The following SUCLA2 variants were observed in gnomAD, a reference collection of about 807,000 sequenced individuals.
The protein encoded by SUCLA2 is succinate-CoA ligase ADP-forming subunit beta.
In SUCLA2, 30 loss-of-function variants were observed where a neutral mutation model predicts 54.8. The observed-to-expected ratio is 0.55, with a 90% CI of 0.41 to 0.74. SUCLA2 has a LOEUF of 0.74. SUCLA2 is among the 30% of genes least tolerant of loss of function. The pLI is 0.00. For synonymous variants in SUCLA2, 172 were observed against 188.9 expected (o/e 0.91, Z 0.74); for missense variants, 476 against 562.9 (o/e 0.85, Z 1.56).
chr13:47,984,264 G>A (rs1950081923), intron 4 of SUCLA2, among the ~76,000 whole-genome samples: 1 of 151,384 alleles, frequency 6.6e-6, no homozygotes, highest in Non-Finnish European at 1.5e-5. Flanking sequence ...TGCAATCTCG[G>A]CTCACTGCAA....
chr13:47,946,458 G>T (rs1470148039), intron 10 of SUCLA2, among the ~76,000 whole-genome samples: 1 of 151,846 alleles, frequency 6.6e-6, no homozygotes, highest in Non-Finnish European at 1.5e-5. Context: ...AAGGTAAAAA[G>T]GTTGCCTGTT....
In SUCLA2 at chr13:47,973,314, T is replaced by C. The variant is rs1307601393; in HGVS notation, c.613A>G (p.Lys205Glu). 25 of 1,613,406 alleles carry C rather than the reference T, an allele frequency of 1.5e-5. No homozygotes were observed. The highest frequency in any genetic ancestry group is 1.8e-5 in the Non-Finnish European group (21 of 1,179,600). Reference sequence around the variant, plus strand: ...CCTTCTTCAATATCAATAGGTTCTTTAATTATTGCTTCAGGAGACTCAGCA... The same window carrying C: ...CCTTCTTCAATATCAATAGGTTCTTCAATTATTGCTTCAGGAGACTCAGCA... The part of the protein sequence containing the change: ...VAAESPEAII[K>E]EPIDIEEGIK... Residue 205 changes from lysine (K) to glutamate (E), a missense_variant, in exon 5 of 11, where the codon AAA becomes GAA. Physicochemically the swap from Lys to Glu is moderately conservative, Grantham distance 56. Around this residue, in one of 2 missense-constraint regions of SUCLA2, gnomAD observed 342 missense variants for 444.2 expected, o/e 0.77. Coordinates refer to ENST00000646932, the MANE Select transcript of SUCLA2 (RefSeq NM_003850.3).
intron 6 of SUCLA2, among the ~76,000 whole-genome samples, chr13:47,967,947 GAA>G (rs1161399189): frequency 6.6e-6 from 1 of 150,830 alleles, no homozygotes; most frequent in Non-Finnish European, 1.5e-5. Context: ...GACAATCTCA[GAA>G]AAAGATTCAC....
intron 5 of SUCLA2, among the ~76,000 whole-genome samples, chr13:47,968,981 A>T (rs1460618629): frequency 6.6e-6 from 1 of 152,252 alleles, no homozygotes; most frequent in Non-Finnish European, 1.5e-5. Context: ...GTAACTTGCC[A>T]TTCATTGGCC....
intron 6 of SUCLA2, among the ~76,000 whole-genome samples, chr13:47,967,207 A>G (rs1178095965): frequency 6.6e-6 from 1 of 152,136 alleles, no homozygotes; most frequent in East Asian, 1.9e-4. Flanking sequence ...GTAGCCCATT[A>G]AATTTTTAAA....
intron 4 of SUCLA2, among the ~76,000 whole-genome samples, chr13:47,985,887 T>A (rs1443569202): frequency 1.3e-5 from 2 of 152,190 alleles, no homozygotes; most frequent in African/African-American, 4.8e-5. Flanking sequence ...CTGCAAAACC[T>A]CACCAGCATC....
At chr13:47,977,075 A>G (rs1950020425) in intron 4 of SUCLA2, among the ~76,000 whole-genome samples, 1 of 152,010 alleles carries the variant, frequency 6.6e-6, no homozygotes, top group Non-Finnish European at 1.5e-5. Flanking sequence ...CTTTAACTAT[A>G]AAAAAATAGA....
At chr13:47,945,505 TGTC>T (rs1199826285) in intron 10 of SUCLA2, among the ~76,000 whole-genome samples, 1 of 150,318 alleles carries the variant, frequency 6.7e-6, no homozygotes, top group Non-Finnish European at 1.5e-5. Flanking sequence ...TTCAATGAAA[TGTC>T]TATAAACATA....
rs1465435873 is a variant in SUCLA2 at position 47,949,581 on chromosome 13, A to T, written c.1130T>A (p.Ile377Asn). ...DKKVLAILVN[I>N]FGGIMRCDVI... is the part of the protein sequence containing the mutation. The stretch of plus-strand genomic sequence containing the variant: ...ATCACAGCGCATGATTCCTCCAAAA[A>T]TGTTGACCAGAATAGCCAGTACCTA... Residue 377 changes from isoleucine to asparagine, a missense_variant, in exon 9 of 11, where the codon ATT (isoleucine) becomes AAT (asparagine). By Grantham distance (149) the Ile-to-Asn change is moderately radical. This residue lies in a region of SUCLA2 where 342 missense variants were observed against 444.2 expected (regional missense o/e 0.77). Coordinates refer to ENST00000646932, the MANE Select transcript of SUCLA2 (RefSeq NM_003850.3). The T allele has an allele frequency of 6.2e-7, 1 of 1,613,384 alleles. No individual in the cohort carries two copies. Among genetic ancestry groups the T allele is most frequent in the East Asian group, 2.2e-5 (1 of 44,832 alleles).
chr13:47,948,803 T>C (rs1566080613), intron 10 of SUCLA2, 137 bp downstream of exon 10: 3 of 852,540 alleles, frequency 3.5e-6, no homozygotes, highest in Non-Finnish European at 5.9e-6. Context: ...GCAAGAGTCA[T>C]GAATAATCGT....
At chr13:47,966,470 C>G (rs908914444) in intron 6 of SUCLA2, among the ~76,000 whole-genome samples, 4 of 150,568 alleles carry the variant, frequency 2.7e-5, no homozygotes, top group Admixed American at 2.7e-4. Flanking sequence ...TTTAGTTAAT[C>G]CTTAGATAAT....
chr13:47,947,539 C>T (rs1011879055), intron 10 of SUCLA2, among the ~76,000 whole-genome samples: 1 of 152,142 alleles, frequency 6.6e-6, no homozygotes, highest in Non-Finnish European at 1.5e-5. Flanking sequence ...GACAGAATTA[C>T]AATAGCAACG....
intron 4 of SUCLA2, among the ~76,000 whole-genome samples, chr13:47,984,821 AT>A (rs1252261034): frequency 2.0e-5 from 3 of 152,320 alleles, no homozygotes; most frequent in East Asian, 3.9e-4. Context: ...TTTAAAAAAA[AT>A]CACACGAAGT....
intron 10 of SUCLA2, among the ~76,000 whole-genome samples, chr13:47,947,988 A>G (rs1949746314): frequency 6.6e-6 from 1 of 152,244 alleles, no homozygotes; most frequent in Non-Finnish European, 1.5e-5. Flanking sequence ...TAAACAAAAG[A>G]TATAAGAGAC....
rs776851687 is a variant in SUCLA2 at position 47,970,433 on chromosome 13, GTCA to G, written c.664-1703_664-1701del. ...TTCCTCATCTAAATTTCACTCTCCA[GTCA>G]TCATCTTCACGTAACTACCTAATAA... On this transcript the variant is annotated intron_variant, in intron 5 of 10. Transcript: ENST00000646932. 2.6e-5 allele frequency among the ~76,000 whole-genome samples: 4 copies of G among 152,030 alleles called. No individual in the cohort carries two copies. In the East Asian group the frequency reaches 7.7e-4, roughly 29 times the overall value.
chr13:47,964,505 C>A (rs1379488658), intron 6 of SUCLA2, among the ~76,000 whole-genome samples: 2 of 152,148 alleles, frequency 1.3e-5, no homozygotes, highest in African/African-American at 4.8e-5. Flanking sequence ...AATATTTAGT[C>A]TAGCTAACAA....
chr13:47,987,085 C>T (rs1950110211), intron 4 of SUCLA2, among the ~76,000 whole-genome samples: 1 of 152,158 alleles, frequency 6.6e-6, no homozygotes, highest in Admixed American at 6.5e-5. Context: ...ATTATAACCA[C>T]GTATTATTAG....
intron 4 of SUCLA2, among the ~76,000 whole-genome samples, chr13:47,981,956 G>A (rs1375580544): frequency 6.6e-6 from 1 of 152,192 alleles, no homozygotes; most frequent in African/African-American, 2.4e-5. Context: ...CTGCACTCCA[G>A]CCTGGGAGAC....
At chr13:47,981,056 G>T (rs998365868) in intron 4 of SUCLA2, among the ~76,000 whole-genome samples, 1 of 152,110 alleles carries the variant, frequency 6.6e-6, no homozygotes, top group South Asian at 2.1e-4. Context: ...TCTTAAACAT[G>T]ATACCAAAGG....
Sources: allele counts gnomAD v4.1 joint callset (sites outside exome capture counted in the v4.1 genomes callset), GRCh38; gene constraint gnomAD v4.1.1; regional missense constraint gnomAD v4.1.1; transcripts MANE v1.5; gene names NCBI Gene and HGNC (gene_info 2026-07-23, HGNC 2026-07-21).